CACNB1: variants seen among roughly 807,000 people sequenced by gnomAD.
The protein encoded by CACNB1 is calcium voltage-gated channel auxiliary subunit beta 1, also known as voltage-dependent L-type calcium channel subunit beta-1.
A neutral mutation model predicts 71.6 loss-of-function variants in CACNB1; 29 were observed. The ratio of observed to expected loss-of-function variants is 0.40; its 90% CI spans 0.30 to 0.55. The LOEUF (loss-of-function observed/expected upper bound fraction) is 0.55. Among genes scored for constraint, CACNB1 ranks in the 20% least tolerant of loss-of-function variants. CACNB1 has a pLI of 0.38. For missense variants in CACNB1, 623 were observed against 801.8 expected (o/e 0.78, Z 2.69); for synonymous variants, 300 against 319.6 (o/e 0.94, Z 0.65).
rs376415563 is a variant in CACNB1 at position 39,187,149 on chromosome 17, G to GC, written c.415-221dup. On this transcript the variant is annotated intron_variant, in intron 4 of 13. Coordinates refer to ENST00000394303, the MANE Select transcript of CACNB1 (RefSeq NM_000723.5). ...CTGGCCATGGACCACCCTGCCACCG[G>GC]CCCAATGCAATTCTGAGAGTCCTTC... 162 of 608,594 alleles carry GC rather than the reference G, an allele frequency of 2.7e-4. No individual in the cohort carries two copies. In the African/African-American group the frequency reaches 2.9e-3, roughly 11 times the overall value. 37.7% of individuals were successfully genotyped at this position (608,594 alleles called of 1,614,324 possible).
In CACNB1 at chr17:39,183,802, G is replaced by C. The variant is rs1445215067; in HGVS notation, c.961C>G (p.Leu321Val). Residue 321 changes from leucine to valine, a missense_variant, in exon 11 of 14, where the codon CTG (leucine) becomes GTG (valine). By Grantham distance (32) the Leu-to-Val change is conservative. Transcript: ENST00000394303. The part of the protein sequence containing the change: ...ELARTLQLVA[L>V]DADTINHPAQ... ...GGGTGATTGATGGTGTCAGCATCCA[G>C]AGCGACCAACTGAAGGGTCCGGGCC... The C allele has an allele frequency of 3.1e-6, 5 of 1,614,092 alleles. No individual in the cohort carries two copies. The South Asian group carries it at 3.3e-5, about 11-fold the overall frequency.
intron 11 of CACNB1, among the ~76,000 whole-genome samples, chr17:39,181,320 T>C (rs2045754621): frequency 6.6e-6 from 1 of 151,874 alleles, no homozygotes; most frequent in African/African-American, 2.4e-5. Context: ...TCTTGAACTC[T>C]TTAGCTCAGG....
At chr17:39,182,566 G>A (rs1263786009) in intron 11 of CACNB1, among the ~76,000 whole-genome samples, 3 of 151,414 alleles carry the variant, frequency 2.0e-5, no homozygotes, top group Admixed American at 6.6e-5. Context: ...CCGGGCCGTG[G>A]TGGTACACTC....
intron 1 of CACNB1, among the ~76,000 whole-genome samples, chr17:39,197,093 C>T (rs1225611059): frequency 2.6e-5 from 4 of 152,028 alleles, no homozygotes; most frequent in Non-Finnish European, 5.9e-5. Flanking sequence ...CTTCTCAAGG[C>T]CCAGATCCCC....
chr17:39,177,397 C>T lies in CACNB1; in HGVS notation c.1285G>A (p.Ala429Thr). ...GGGCTGGCAGCCAGGGCTGCGGTAG[C>T]CATGGTGCGGTTCAGCAGCGGATTG... ...PPNPLLNRTM[A>T]TAALAASPAP... The change falls in exon 13 of 14, where the codon GCT (alanine) becomes ACT (threonine). Residue 429 changes from alanine (A) to threonine (T), a missense_variant. Transcript: ENST00000394303. 6.2e-7 allele frequency: 1 copy of T among 1,613,514 alleles called. No individual in the cohort carries two copies. The highest frequency in any genetic ancestry group is 8.5e-7 in the Non-Finnish European group (1 of 1,179,828).
At chr17:39,181,670 GA>G (rs1476126287) in intron 11 of CACNB1, among the ~76,000 whole-genome samples, 1 of 152,080 alleles carries the variant, frequency 6.6e-6, no homozygotes, top group African/African-American at 2.4e-5. Context: ...CTCCCCTCAG[GA>G]AGTACTTAAA....
rs1249699767 is a variant in CACNB1, at chr17:39,173,748, C to CT, written c.*1444dup. The CT allele has an allele frequency of 6.6e-6, 1 of 152,538 alleles. No individual in the cohort carries two copies. The highest frequency in any genetic ancestry group is 2.4e-5 in the African/African-American group (1 of 41,462). The allele number at this position is 152,538 out of a possible 1,614,324, so 9.4% of individuals were successfully genotyped here. A position where few individuals can be genotyped will look rare whatever the true frequency, so the allele number is the denominator to read the frequency against. On this transcript the variant is annotated 3_prime_UTR_variant, in exon 14 of 14. Transcript: ENST00000394303. Reference sequence around the variant, plus strand: ...GTGCATATCAGCAGCTCCCAGGTGCCTACGCTGACGACTATGTGGCGAGGA... The same window carrying CT: ...GTGCATATCAGCAGCTCCCAGGTGCCTTACGCTGACGACTATGTGGCGAGGA...
Position 39,174,688 on chromosome 17 carries a change from C to T in CACNB1, c.*505G>A. 1.9e-5 allele frequency: 3 copies of T among 155,492 alleles called. No individual in the cohort carries two copies. The highest frequency in any genetic ancestry group is 2.9e-5 in the Non-Finnish European group (2 of 70,138). The allele number at this position is 155,492 out of a possible 1,614,324, so 9.6% of individuals were successfully genotyped here. ...GGCTTTCACCGACCAGACGATGCTG[C>T]CAGGAAGCTGGGAGGAAGGGGCAGG... On this transcript the variant is annotated 3_prime_UTR_variant, in exon 14 of 14. Coordinates refer to ENST00000394303, the MANE Select transcript of CACNB1 (RefSeq NM_000723.5).
Position 39,186,968 on chromosome 17 carries a change from G to A in CACNB1, c.415-39C>T, listed in dbSNP as rs749485788. ...GGCAGGTGGGTGGAAAGAGCAAGAG[G>A]GAAACTGCAGGGGCAAGCTAGCAGT... On this transcript the variant is annotated intron_variant, in intron 4 of 13. Coordinates refer to ENST00000394303, the MANE Select transcript of CACNB1 (RefSeq NM_000723.5). The surrounding 1 kb of genome is among the most constrained non-coding windows in gnomAD (Gnocchi z 4.1). 2.5e-6 allele frequency: 4 copies of A among 1,606,868 alleles called. No individual in the cohort carries two copies. Among genetic ancestry groups the A allele is most frequent in the South Asian group, 1.1e-5 (1 of 90,842 alleles).
At position 39,186,016 on chromosome 17, in the gene CACNB1, G is replaced by A. The variant is rs2045929989; in HGVS notation, c.628+480C>T. The A allele has an allele frequency of 1.2e-6, 2 of 1,613,718 alleles. No individual in the cohort carries two copies. Among genetic ancestry groups the A allele is most frequent in the African/African-American group, 2.7e-5 (2 of 74,904 alleles). The stretch of plus-strand genomic sequence containing the variant: ...TGGTGACACTGCTAACACTAGTCTT[G>A]GCAGAGCCACTCTGCTCACCAAGCT... On this transcript the variant is annotated intron_variant, in intron 6 of 13. Coordinates refer to ENST00000394303, the MANE Select transcript of CACNB1 (RefSeq NM_000723.5). This position sits in a 1 kb window ranked among gnomAD's most constrained non-coding sequence, Gnocchi z 4.1.
Position 39,186,628 on chromosome 17 carries a change from C to G in CACNB1, c.552-56G>C. ...AGCAAAGAGGTGGGCGTGGGGGGCT[C>G]TCATCCTCTCACATGCGGCACCCCC... On this transcript the variant is annotated intron_variant, in intron 5 of 13. Transcript: ENST00000394303. This position sits in a 1 kb window ranked among gnomAD's most constrained non-coding sequence, Gnocchi z 4.1. 1.3e-6 allele frequency: 2 copies of G among 1,536,676 alleles called. No individual in the cohort carries two copies. The highest frequency in any genetic ancestry group is 1.8e-6 in the Non-Finnish European group (2 of 1,114,418).
chr17:39,180,858 G>A (rs1320744678), intron 11 of CACNB1, among the ~76,000 whole-genome samples: 1 of 152,052 alleles, frequency 6.6e-6, no homozygotes, highest in Non-Finnish European at 1.5e-5. Context: ...GATTACAGGT[G>A]TGAGCCACCA....
intron 2 of CACNB1, chr17:39,193,515 G>C (rs969525902): frequency 2.3e-6 from 1 of 444,390 alleles, no homozygotes; most frequent in Non-Finnish European, 4.5e-6. Flanking sequence ...CTGGCCTAGG[G>C]GGTGGCCCAA....
In CACNB1 at chr17:39,197,538, G is replaced by A; in HGVS notation, c.-43C>T. 2 of 1,430,142 alleles carry A rather than the reference G, an allele frequency of 1.4e-6. No individual in the cohort carries two copies. Among genetic ancestry groups the A allele is most frequent in the Non-Finnish European group, 1.9e-6 (2 of 1,071,418 alleles). 88.6% of individuals were successfully genotyped at this position (1,430,142 alleles called of 1,614,324 possible). A position where few individuals can be genotyped will look rare whatever the true frequency, so the allele number is the denominator to read the frequency against. On this transcript the variant is annotated 5_prime_UTR_variant, in exon 1 of 14. Transcript: ENST00000394303. ...CCCGCCGCCGGCCCGGCCCAGCCGG[G>A]CTCCCTCAGCGCATGGGAGAGGCCG... is the stretch of plus-strand genomic sequence containing the variant.
chr17:39,176,174 A>G (rs905316448), intron 13 of CACNB1, among the ~76,000 whole-genome samples: 2 of 152,118 alleles, frequency 1.3e-5, no homozygotes, highest in Non-Finnish European at 2.9e-5. Context: ...GTCGGATGAC[A>G]CCATCTCCAA....
intron 3 of CACNB1, 73 bp from the exon 4 acceptor site, chr17:39,187,674 A>G: frequency 6.6e-7 from 1 of 1,518,734 alleles, no homozygotes; most frequent in Non-Finnish European, 9.1e-7. Context: ...TCCTGACAGT[A>G]GTGGTGGTTA....
chr17:39,187,479 C>A lies in CACNB1; in HGVS notation c.414G>T (p.Glu138Asp), dbSNP rs1567805921. 3 of 1,613,962 alleles carry A rather than the reference C, an allele frequency of 1.9e-6. No homozygotes were observed. Among genetic ancestry groups the A allele is most frequent in the Non-Finnish European group, 1.7e-6 (2 of 1,179,942 alleles). ...FEPKDFLHIK[E>D]KYNNDWWIGR... Reference sequence around the variant, plus strand: ...CCCTGCCCTCCCTCCAGATACCCACCTCCTTGATGTGCAGGAAGTCTTTGG... The same window carrying A: ...CCCTGCCCTCCCTCCAGATACCCACATCCTTGATGTGCAGGAAGTCTTTGG... The change falls in exon 4 of 14, where the codon GAG becomes GAT. Residue 138 changes from glutamate (E) to aspartate (D), a missense_variant and splice_region_variant. Coordinates refer to ENST00000394303, the MANE Select transcript of CACNB1 (RefSeq NM_000723.5).
At chr17:39,179,371 G>A (rs574186444) in intron 11 of CACNB1, among the ~76,000 whole-genome samples, 7 of 145,982 alleles carry the variant, frequency 4.8e-5, no homozygotes, top group South Asian at 4.5e-4. Flanking sequence ...GGTGGATCAC[G>A]AGGTCAGGAG....
intron 1 of CACNB1, chr17:39,195,375 G>C (rs974450320): frequency 5.9e-6 from 1 of 170,882 alleles, no homozygotes; most frequent in Non-Finnish European, 1.3e-5. Context: ...TGGGGAGAGC[G>C]GGAAAGTCAC....
Sources: allele counts gnomAD v4.1 joint callset (sites outside exome capture counted in the v4.1 genomes callset), GRCh38; gene constraint gnomAD v4.1.1; non-coding constraint Gnocchi (gnomAD v3.1); transcripts MANE v1.5; gene names NCBI Gene and HGNC (gene_info 2026-07-23, HGNC 2026-07-21).